Variants in CDV3 observed in about 807,000 individuals in gnomAD.
The protein encoded by CDV3 is CDV3 homolog, also known as protein CDV3 homolog.
CDV3 carries 14 observed loss-of-function variants against 24.5 expected under a neutral mutation model. That is an observed-to-expected ratio of 0.57 (90% confidence interval 0.38 to 0.89). The LOEUF is 0.89. CDV3 is among the 40% of genes least tolerant of loss of function. CDV3 has a pLI of 0.00. For synonymous variants in CDV3, 114 were observed against 114.1 expected, an observed-to-expected ratio of 1.00 and a Z score of 0.00; for missense variants, 304 against 310.2, an observed-to-expected ratio of 0.98 and a Z score of 0.15.
At chr3:133,579,992 T>A (rs2074954926) in intron 2 of CDV3, among the ~76,000 whole-genome samples, 1 of 152,206 alleles carries the variant, frequency 6.6e-6, no homozygotes, top group Non-Finnish European at 1.5e-5. Context: ...TTATTATACT[T>A]TAAGTTCTAG....
intron 2 of CDV3, among the ~76,000 whole-genome samples, chr3:133,583,489 G>A (rs1270676178): frequency 1.3e-5 from 2 of 152,118 alleles, no homozygotes; most frequent in African/African-American, 2.4e-5. Flanking sequence ...CGCTTGAGGT[G>A]GTAACTGGGG....
intron 2 of CDV3, 122 bp downstream of exon 2, chr3:133,575,237 G>C: frequency 1.7e-6 from 1 of 599,518 alleles, no homozygotes; most frequent in East Asian, 2.9e-5. Flanking sequence ...TGCTTATTAG[G>C]ACTCAAATGG....
Position 133,588,192 on chromosome 3 carries a change from T to A in CDV3, c.*146T>A. 1 of 1,531,094 alleles carries A rather than the reference T, an allele frequency of 6.5e-7. No individual in the cohort carries two copies. Among genetic ancestry groups the A allele is most frequent in the Non-Finnish European group, 8.8e-7 (1 of 1,139,320 alleles). The allele number at this position is 1,531,094 out of a possible 1,614,324, so 94.8% of individuals were successfully genotyped here. A position where few individuals can be genotyped will look rare whatever the true frequency, so the allele number is the denominator to read the frequency against. On this transcript the variant is annotated 3_prime_UTR_variant, in exon 5 of 5. Coordinates refer to ENST00000264993, the MANE Select transcript of CDV3 (RefSeq NM_017548.5). ...ACCGGCCCTATTGCACTATGGAAGT[T>A]AAAGTGTCACGACTGCTCTATGCAT...
intron 2 of CDV3, 109 bp downstream of exon 2, chr3:133,575,224 A>G (rs1279814404): frequency 1.5e-6 from 1 of 648,066 alleles, no homozygotes; most frequent in African/African-American, 1.8e-5. Context: ...TGTGCTCTAG[A>G]TATGCTTATT....
chr3:133,574,101 G>C lies in CDV3; in HGVS notation c.57G>C (p.Lys19Asn). 8.2e-7 allele frequency: 1 copy of C among 1,225,394 alleles called. No homozygotes were observed. Among genetic ancestry groups the C allele is most frequent in the Non-Finnish European group, 1.0e-6 (1 of 958,592 alleles). 75.9% of individuals were successfully genotyped at this position (1,225,394 alleles called of 1,614,324 possible). A position where few individuals can be genotyped will look rare whatever the true frequency, so the allele number is the denominator to read the frequency against. ...LDNFFAKRDK[K>N]KKKERSNRAA... ...ACTTCTTTGCCAAGAGGGACAAGAAGAAGAAGAAGGAGCGGAGCAACCGGG... is the reference window on the plus strand; with the variant it reads ...ACTTCTTTGCCAAGAGGGACAAGAACAAGAAGAAGGAGCGGAGCAACCGGG... Residue 19 changes from lysine to asparagine, a missense_variant, in exon 1 of 5, where the codon AAG becomes AAC. Physicochemically the swap from Lys to Asn is moderately conservative, Grantham distance 94. Transcript: ENST00000264993.
At chr3:133,574,718 G>A in intron 1 of CDV3, 1 of 1,089,844 alleles carries the variant, frequency 9.2e-7, no homozygotes, top group Non-Finnish European at 1.1e-6. Flanking sequence ...GCCCGTGAAA[G>A]AAAAAGAAAA....
Position 133,575,062 on chromosome 3 carries a change from G to A in CDV3, c.264G>A (p.Leu88=). ...AGGACGAAGATGAATGGAAAGAATT[G>A]GAGCAAAAAGAGGTTGATTACAGCG... The part of the protein sequence containing the change: ...VTKDEDEWKE[L]EQKEVDYSGL... The change falls in exon 2 of 5, where the codon TTG becomes TTA. Residue 88 remains leucine, a synonymous_variant. Transcript: ENST00000264993. 6.2e-7 allele frequency: 1 copy of A among 1,604,716 alleles called. No individual in the cohort carries two copies. The highest frequency in any genetic ancestry group is 8.5e-7 in the Non-Finnish European group (1 of 1,171,502).
chr3:133,587,071 C>A, intron 4 of CDV3: 1 of 634,662 alleles, frequency 1.6e-6, no homozygotes, highest in Non-Finnish European at 2.5e-6. Flanking sequence ...AATATAAAAG[C>A]GCTGTTTAAT....
chr3:133,582,115 T>G (rs1933093829), intron 2 of CDV3, among the ~76,000 whole-genome samples: 1 of 152,158 alleles, frequency 6.6e-6, no homozygotes. Context: ...AATTCTGCAG[T>G]CACTTCTGGT....
chr3:133,574,421 G>A, intron 1 of CDV3, 137 bp downstream of exon 1: 4 of 980,682 alleles, frequency 4.1e-6, no homozygotes, highest in Non-Finnish European at 4.8e-6. Context: ...ACGTGACGCA[G>A]GCTCTCCACC....
intron 3 of CDV3, 32 bp downstream of exon 3, chr3:133,584,182 T>G (rs201628209): frequency 9.8e-4 from 1,492 of 1,526,036 alleles, no homozygotes; most frequent in Non-Finnish European, 1.2e-3. Context: ...CAGAAAGATG[T>G]CTAATTTATA....
intron 2 of CDV3, among the ~76,000 whole-genome samples, chr3:133,577,575 G>T (rs943421625): frequency 2.6e-5 from 4 of 151,988 alleles, no homozygotes; most frequent in African/African-American, 4.8e-5. Flanking sequence ...GTTCAGGCTG[G>T]TCTCAAACTC....
intron 2 of CDV3, among the ~76,000 whole-genome samples, chr3:133,583,721 C>G (rs1221523231): frequency 6.6e-6 from 1 of 152,146 alleles, no homozygotes; most frequent in Non-Finnish European, 1.5e-5. Context: ...TGCCCCCATG[C>G]CTGGCTCATT....
intron 4 of CDV3, chr3:133,587,102 C>CTA (rs1180878972): frequency 1.1e-6 from 1 of 898,716 alleles, no homozygotes. Flanking sequence ...GTTAATGTGA[C>CTA]TATAGACAGA....
chr3:133,587,631 GT>G (rs1933751208), intron 4 of CDV3: 1 of 1,169,688 alleles, frequency 8.5e-7, no homozygotes. Context: ...GCTTTTAACA[GT>G]TTTCTTCAAG....
At chr3:133,580,641 G>T (rs1263595414) in intron 2 of CDV3, among the ~76,000 whole-genome samples, 1 of 152,116 alleles carries the variant, frequency 6.6e-6, no homozygotes, top group Non-Finnish European at 1.5e-5. Context: ...GGCAGAGGTT[G>T]CAGTGAGCCA....
intron 2 of CDV3, among the ~76,000 whole-genome samples, chr3:133,581,481 A>G (rs1350287134): frequency 6.6e-6 from 1 of 152,260 alleles, no homozygotes; most frequent in East Asian, 1.9e-4. Context: ...ATGTAGAAGC[A>G]TAAAGAAATA....
chr3:133,574,699 A>T (rs1372276662), intron 1 of CDV3: 1 of 1,065,840 alleles, frequency 9.4e-7, no homozygotes, highest in South Asian at 2.9e-5. Flanking sequence ...GTGATGACTT[A>T]GTCTCTAAGC....
In CDV3 at chr3:133,574,273, G is replaced by T. The variant is rs1251027380; in HGVS notation, c.229G>T (p.Ala77Ser). The change falls in exon 1 of 5, where the codon GCT (alanine) becomes TCT (serine). Residue 77 changes from alanine (A) to serine (S), a missense_variant. Physicochemically the swap from Ala to Ser is moderately conservative, Grantham distance 99. Transcript: ENST00000264993. ...GAAGPGAATK[A>S]VTKDEDEWKE... ...TGCGGGCCCAGGGGCCGCCACCAAGGCTGTGACGAAGGTGAGGGGCCGGGA... is the reference window on the plus strand; with the variant it reads ...TGCGGGCCCAGGGGCCGCCACCAAGTCTGTGACGAAGGTGAGGGGCCGGGA... The T allele has an allele frequency of 4.1e-6, 4 of 987,292 alleles. No homozygotes were observed. In the East Asian group the frequency reaches 4.4e-4, roughly 109 times the overall value. 61.2% of individuals were successfully genotyped at this position (987,292 alleles called of 1,614,324 possible). A position where few individuals can be genotyped will look rare whatever the true frequency, so the allele number is the denominator to read the frequency against.
Sources: allele counts gnomAD v4.1 joint callset (sites outside exome capture counted in the v4.1 genomes callset), GRCh38; gene constraint gnomAD v4.1.1; transcripts MANE v1.5; gene names NCBI Gene and HGNC (gene_info 2026-07-23, HGNC 2026-07-21).